The following ARHGEF6 variants were observed in gnomAD, a reference collection of about 807,000 sequenced individuals.
The protein encoded by ARHGEF6 is rho guanine nucleotide exchange factor 6.
ARHGEF6 carries 9 observed loss-of-function variants against 70.3 expected under a neutral mutation model. That is an observed-to-expected ratio of 0.13 (90% CI 0.08 to 0.22). ARHGEF6 has a LOEUF of 0.22. Ranked by LOEUF, ARHGEF6 falls within the 10% of genes least tolerant of loss-of-function variation. The pLI, the probability that ARHGEF6 is intolerant of heterozygous loss-of-function variation, is 1.00. For missense variants in ARHGEF6, 470 were observed against 563.0 expected (o/e 0.83, Z 1.67); for synonymous variants, 201 against 207.8 (o/e 0.97, Z 0.28).
intron 19 of ARHGEF6, 41 bp from the exon 20 acceptor site, chrX:136,672,160 A>G (rs780722218): frequency 7.0e-6 from 7 of 996,380 alleles, no homozygotes; most frequent in Non-Finnish European, 4.3e-6. Flanking sequence ...AGGGAGAGTT[A>G]CTAGTGAAGA....
chrX:136,707,159 T>A, intron 8 of ARHGEF6, 129 bp from the exon 9 acceptor site: 2 of 809,921 alleles, frequency 2.5e-6, no homozygotes, highest in Non-Finnish European at 3.5e-6. Flanking sequence ...AGAAACTATA[T>A]TATAACCATT....
intron 12 of ARHGEF6, among the ~76,000 whole-genome samples, chrX:136,683,058 T>C (rs891871171): frequency 2.7e-5 from 3 of 112,113 alleles, no homozygotes; most frequent in African/African-American, 9.7e-5. Flanking sequence ...TCTCTCTTCT[T>C]CTTATACATA....
rs375970160 is a variant in ARHGEF6 at position 136,757,185 on chromosome X, G to C, written c.250-9593C>G. Among the ~76,000 whole-genome samples, 6 of 112,382 alleles carry C rather than the reference G, an allele frequency of 5.3e-5. No individual in the cohort carries two copies. In the East Asian group the frequency reaches 1.4e-3, roughly 26 times the overall value. ...AGTTTAAGGCCAGCCTGGCCAACAT[G>C]GCCGTCTCTACTAAAAATACAAAAA... On this transcript the variant is annotated intron_variant, in intron 2 of 21. Transcript: ENST00000250617.
intron 9 of ARHGEF6, among the ~76,000 whole-genome samples, chrX:136,695,078 T>A (rs1285866766): frequency 8.9e-6 from 1 of 112,236 alleles, no homozygotes; most frequent in Non-Finnish European, 1.9e-5. Context: ...ATGTCCCTAT[T>A]TCAGCTGAAA....
chrX:136,704,996 A>G (rs757911772), intron 9 of ARHGEF6, among the ~76,000 whole-genome samples: 9 of 111,899 alleles, frequency 8.0e-5, no homozygotes, highest in African/African-American at 2.3e-4. Context: ...AAATTGGTGC[A>G]GTGACTTTGT....
In ARHGEF6 at chrX:136,669,525, T is replaced by G. The variant is rs144205542; in HGVS notation, c.2147A>C (p.Asp716Ala). The G allele has an allele frequency of 3.2e-5, 39 of 1,205,740 alleles. No homozygotes were observed. Among genetic ancestry groups the G allele is most frequent in the Non-Finnish European group, 3.9e-5 (35 of 890,195 alleles). Residue 716 changes from aspartate (D) to alanine (A), a missense_variant, in exon 21 of 22, where the codon GAT (aspartate) becomes GCT (alanine). Asp to Ala is a moderately radical substitution (Grantham distance 126). Transcript: ENST00000250617. ...CTCGTCCTTCAAGGCGTAAACAGTATCAACAAGGCTCCTAGAAAATAAAGA... is the reference window on the plus strand; with the variant it reads ...CTCGTCCTTCAAGGCGTAAACAGTAGCAACAAGGCTCCTAGAAAATAAAGA... Reference protein sequence around the residue: ...QTIMEEKSLVDTVYALKDEVR... With the variant: ...QTIMEEKSLVATVYALKDEVR...
At chrX:136,779,929 CTCTT>C (rs1376475353) in intron 1 of ARHGEF6, among the ~76,000 whole-genome samples, 1 of 112,210 alleles carries the variant, frequency 8.9e-6, no homozygotes, top group Non-Finnish European at 1.9e-5. Context: ...TATTTAATCA[CTCTT>C]TCTCAAGTTT....
At chrX:136,685,475 G>A (rs2076374194) in intron 12 of ARHGEF6, among the ~76,000 whole-genome samples, 1 of 109,604 alleles carries the variant, frequency 9.1e-6, no homozygotes, top group African/African-American at 3.3e-5. Flanking sequence ...GACTTTGATG[G>A]AAGAACAAGG....
At chrX:136,688,093 G>T (rs967715388) in intron 10 of ARHGEF6, 102 bp from the exon 11 acceptor site, 222 of 601,689 alleles carry the variant, frequency 3.7e-4, no homozygotes, top group Non-Finnish European at 5.9e-4. Flanking sequence ...GATAGCAAGA[G>T]AATTTTGGGG....
intron 10 of ARHGEF6, among the ~76,000 whole-genome samples, chrX:136,689,818 C>G (rs2076440555): frequency 1.8e-5 from 2 of 111,525 alleles, no homozygotes. Flanking sequence ...AGGCCCTCCT[C>G]TCCCACCCAC....
chrX:136,686,592 G>A (rs866425454), intron 11 of ARHGEF6, among the ~76,000 whole-genome samples: 4 of 59,680 alleles, frequency 6.7e-5, no homozygotes, highest in African/African-American at 2.9e-4. Flanking sequence ...GTGTATGTGT[G>A]TGTATATATA....
At chrX:136,683,502 A>G (rs2295867) in intron 12 of ARHGEF6, among the ~76,000 whole-genome samples, 38,548 of 109,030 alleles carry the variant, frequency 0.35, 6,270 homozygotes, top group African/African-American at 0.64. Context: ...GGGATTACAC[A>G]CATGTGCCAC....
rs1427684633 is a variant in ARHGEF6 at position 136,668,521 on chromosome X, C to CTTATTA, written c.2191-353_2191-352insTAATAA. 1.2e-4 allele frequency among the ~76,000 whole-genome samples: 12 copies of CTTATTA among 98,894 alleles called. No individual in the cohort carries two copies. In the East Asian group the frequency reaches 3.0e-3, roughly 25 times the overall value. 85.9% of individuals were successfully genotyped at this position (98,894 alleles called of 115,157 possible). On this transcript the variant is annotated intron_variant, in intron 21 of 21. Transcript: ENST00000250617. ...AACTGTCAGCCTGGTATTTCTTCTT[C>CTTATTA]TTCTTCTTCTTCTTATTATTATTAT...
intron 2 of ARHGEF6, among the ~76,000 whole-genome samples, chrX:136,751,521 T>C (rs766776217): frequency 2.8e-4 from 31 of 111,788 alleles, no homozygotes; most frequent in African/African-American, 1.0e-3. Context: ...GATCTGAATG[T>C]TTGTGCCCTT....
chrX:136,672,573 G>C (rs1449920434), intron 19 of ARHGEF6, among the ~76,000 whole-genome samples: 1 of 111,780 alleles, frequency 8.9e-6, no homozygotes, highest in Non-Finnish European at 1.9e-5. Flanking sequence ...GTGCTTAAAG[G>C]GCCTCAGAAG....
intron 5 of ARHGEF6, chrX:136,737,587 C>T (rs954144703): frequency 1.6e-5 from 10 of 636,757 alleles, no homozygotes; most frequent in Non-Finnish European, 1.9e-5. Context: ...GGCACGGTGG[C>T]TCACCTCTGT....
chrX:136,717,206 T>C (rs2076745360), intron 6 of ARHGEF6, among the ~76,000 whole-genome samples: 1 of 111,732 alleles, frequency 8.9e-6, no homozygotes, highest in African/African-American at 3.3e-5. Context: ...GAAAAAAGTA[T>C]TGAAAGAAGC....
Position 136,665,751 on chromosome X carries a change from G to T in ARHGEF6, c.*2278C>A, listed in dbSNP as rs111330804. Reference sequence around the variant, plus strand: ...GTATTGTAAACAACACAACTATGGCGACACTGCTCTCAGATTAACATGGCT... The same window carrying T: ...GTATTGTAAACAACACAACTATGGCTACACTGCTCTCAGATTAACATGGCT... On this transcript the variant is annotated 3_prime_UTR_variant, in exon 22 of 22. Coordinates refer to ENST00000250617, the MANE Select transcript of ARHGEF6 (RefSeq NM_004840.3). 9.0e-6 allele frequency: 1 copy of T among 111,515 alleles called. No homozygotes were observed. The highest frequency in any genetic ancestry group is 3.3e-5 in the African/African-American group (1 of 30,509). 9.2% of individuals were successfully genotyped at this position (111,515 alleles called of 1,213,427 possible).
chrX:136,676,511 G>T, intron 18 of ARHGEF6, 113 bp downstream of exon 18: 2 of 574,651 alleles, frequency 3.5e-6, no homozygotes, highest in Non-Finnish European at 5.8e-6. Context: ...TGTAAAAGAC[G>T]ATGTCAAGAA....
Sources: gnomAD v4.1 joint callset for allele counts (sites outside exome capture counted in the v4.1 genomes callset) on GRCh38, gnomAD v4.1.1 for gene constraint, MANE v1.5 for transcripts, NCBI Gene and HGNC (gene_info 2026-07-23, HGNC 2026-07-21) for gene names.